The following CAPS2 variants were observed in gnomAD, a reference collection of about 807,000 sequenced individuals.
CAPS2 encodes calcyphosine 2.
CAPS2 carries 98 observed loss-of-function variants against 86.5 expected under a neutral mutation model. The observed-to-expected ratio is 1.13, with a 90% CI of 0.96 to 1.34. The LOEUF (loss-of-function observed/expected upper bound fraction) is 1.34, where lower values mean the gene tolerates loss of function less well. Ranked by LOEUF, CAPS2 falls within the 40% of genes most tolerant of loss-of-function variation. CAPS2 has a pLI of 0.00. For synonymous variants in CAPS2, 210 were observed against 225.1 expected, an observed-to-expected ratio of 0.93 and a Z score of 0.60; for missense variants, 729 against 686.8, an observed-to-expected ratio of 1.06 and a Z score of -0.69.
At chr12:75,333,031 A>C (rs2041442556), upstream of CAPS2, among the ~76,000 whole-genome samples, 1 of 152,178 alleles carries the variant, frequency 6.6e-6, no homozygotes, top group South Asian at 2.1e-4. Flanking sequence ...ATGCAGAATA[A>C]GCCAGGAGAG....
Position 75,341,747 on chromosome 12 carries a change from CT to C in CAPS2, c.-394-18526del, listed in dbSNP as rs1185408752. ...AGGCGTGAGCCACCGCGCCCGGCCT[CT>C]TTTTTTTTTTTTTTTTTTTTTTTGA... On this transcript the variant is annotated intron_variant, in intron 1 of 5. Coordinates refer to the CAPS2 transcript ENST00000551829. Among the ~76,000 whole-genome samples the C allele has an allele frequency of 9.3e-3, 776 of 83,400 alleles. 1 individual carries two copies. Among genetic ancestry groups the C allele is most frequent in the African/African-American group, 0.026 (498 of 18,858 alleles). 54.7% of individuals were successfully genotyped at this position (83,400 alleles called of 152,430 possible). A position where few individuals can be genotyped will look rare whatever the true frequency, so the allele number is the denominator to read the frequency against.
rs956626587 is a variant in CAPS2, at chr12:75,277,212, T to C, written c.*1678A>G. ...GTTACATTCCAAAAGTAGCTTCCCTTTTTTTTTTTTTTTACAGTATAACAG... is the reference window on the plus strand; with the variant it reads ...GTTACATTCCAAAAGTAGCTTCCCTCTTTTTTTTTTTTTACAGTATAACAG... On this transcript the variant is annotated 3_prime_UTR_variant, in exon 17 of 17. Transcript: ENST00000393284. The C allele has an allele frequency of 1.2e-4, 12 of 97,914 alleles. No individual in the cohort carries two copies. The African/African-American group carries it at 9.2e-3, about 75-fold the overall frequency. The allele number at this position is 97,914 out of a possible 1,614,324, so 6.1% of individuals were successfully genotyped here.
At chr12:75,334,511 C>T, upstream of CAPS2, 1 of 1,356,654 alleles carries the variant, frequency 7.4e-7, no homozygotes. Flanking sequence ...CGACTCAGAG[C>T]TTTCCCCTGT....
chr12:75,310,635 G>C (rs1449678270), intron 7 of CAPS2, among the ~76,000 whole-genome samples: 1 of 152,032 alleles, frequency 6.6e-6, no homozygotes, highest in Non-Finnish European at 1.5e-5. Context: ...CATTAAAGGT[G>C]GTATGCACTT....
chr12:75,299,357 A>G (rs892910077), intron 9 of CAPS2, among the ~76,000 whole-genome samples: 1 of 152,204 alleles, frequency 6.6e-6, no homozygotes, highest in Non-Finnish European at 1.5e-5. Flanking sequence ...AAAATAATTT[A>G]AAATACACAT....
chr12:75,325,229 C>G lies in CAPS2; in HGVS notation c.131+10G>C, dbSNP rs774740763. 1 of 1,548,012 alleles carries G rather than the reference C, an allele frequency of 6.5e-7. No homozygotes were observed. Among genetic ancestry groups the G allele is most frequent in the Non-Finnish European group, 8.7e-7 (1 of 1,145,568 alleles). On this transcript the variant is annotated intron_variant, in intron 2 of 16. Coordinates refer to ENST00000393284, the Ensembl canonical transcript of CAPS2. ...ATTAAACAGTCCAAATGTGAAGAAA[C>G]GTAACTTACACTGGTGGGCAAGAAT...
At chr12:75,279,621 G>A (rs1386093227) in intron 16 of CAPS2, among the ~76,000 whole-genome samples, 1 of 151,880 alleles carries the variant, frequency 6.6e-6, no homozygotes, top group Non-Finnish European at 1.5e-5. Context: ...ATTGCAAAGG[G>A]TCTTTCAAAC....
At chr12:75,282,605 T>C (rs1392858337) in intron 15 of CAPS2, among the ~76,000 whole-genome samples, 1 of 152,118 alleles carries the variant, frequency 6.6e-6, no homozygotes, top group African/African-American at 2.4e-5. Context: ...CAGGCTGATC[T>C]CAAATTCCTA....
chr12:75,366,790 C>A, intron 1 of CAPS2: 1 of 687,630 alleles, frequency 1.5e-6, no homozygotes, highest in Non-Finnish European at 2.6e-6. Flanking sequence ...TTTCTCTCTT[C>A]AGAGGTCTAT....
At chr12:75,352,652 C>A (rs761893748) in intron 1 of CAPS2, among the ~76,000 whole-genome samples, 10 of 152,164 alleles carry the variant, frequency 6.6e-5, no homozygotes, top group Non-Finnish European at 1.3e-4. Context: ...ATCAAGTGGA[C>A]CTGACAGTTA....
exon 13 of CAPS2, chr12:75,291,753 C>T (rs749680359): frequency 1.9e-6 from 3 of 1,557,350 alleles, no homozygotes; most frequent in South Asian, 1.2e-5. Flanking sequence ...CCTTGAATTG[C>T]TTTGAAGACC....
intron 14 of CAPS2, among the ~76,000 whole-genome samples, chr12:75,286,558 A>G (rs936535589): frequency 2.0e-5 from 3 of 151,852 alleles, no homozygotes; most frequent in Non-Finnish European, 4.4e-5. Flanking sequence ...TCAAAGATAC[A>G]GTACACAATG....
At chr12:75,363,263 T>C in intron 1 of CAPS2, 1 of 692,396 alleles carries the variant, frequency 1.4e-6, no homozygotes, top group Non-Finnish European at 2.1e-6. Context: ...TTTTAAAATT[T>C]GGCTTCTCAA....
At chr12:75,321,459 C>T in exon 5 of CAPS2, 2 of 1,546,572 alleles carry the variant, frequency 1.3e-6, no homozygotes, top group Middle Eastern at 1.7e-4. Flanking sequence ...TTTGTATTTT[C>T]TGCATTTCTC....
intron 1 of CAPS2, among the ~76,000 whole-genome samples, chr12:75,361,763 C>T (rs144582023): frequency 1.0e-3 from 153 of 152,222 alleles, no homozygotes; most frequent in African/African-American, 3.5e-3. Flanking sequence ...ATAAGAACAG[C>T]ATGAGGGAAA....
chr12:75,328,776 GGATTTA>G (rs879396079), upstream of CAPS2, among the ~76,000 whole-genome samples: 115 of 152,136 alleles, frequency 7.6e-4, no homozygotes, highest in Admixed American at 9.2e-4. Flanking sequence ...CTATGTCTCA[GGATTTA>G]GAAAGCCCAC....
chr12:75,344,638 C>A (rs182955186), intron 1 of CAPS2, among the ~76,000 whole-genome samples: 1 of 151,926 alleles, frequency 6.6e-6, no homozygotes, highest in Middle Eastern at 3.2e-3. Context: ...CATTATGAAT[C>A]GAATTTTCTT....
At chr12:75,354,980 C>T (rs2043057371) in intron 1 of CAPS2, among the ~76,000 whole-genome samples, 1 of 152,124 alleles carries the variant, frequency 6.6e-6, no homozygotes, top group South Asian at 2.1e-4. Flanking sequence ...AAAATTAGCT[C>T]AAGATGGATT....
intron 1 of CAPS2, among the ~76,000 whole-genome samples, chr12:75,361,413 G>C (rs1429801891): frequency 6.6e-6 from 1 of 152,146 alleles, no homozygotes; most frequent in Non-Finnish European, 1.5e-5. Flanking sequence ...ACTGTCTTTG[G>C]CTTGAAGGTG....
Sources: allele counts gnomAD v4.1 joint callset (sites outside exome capture counted in the v4.1 genomes callset), GRCh38; gene constraint gnomAD v4.1.1; transcripts MANE v1.5; gene names NCBI Gene and HGNC (gene_info 2026-07-23, HGNC 2026-07-21).